NRG3: variants seen among roughly 807,000 people sequenced by gnomAD.
The protein encoded by NRG3 is pro-neuregulin-3, membrane-bound isoform.
Under a neutral mutation model 66.9 loss-of-function variants are expected in NRG3, and 31 were observed. That is an observed-to-expected ratio of 0.46 (90% CI 0.35 to 0.63). The LOEUF (loss-of-function observed/expected upper bound fraction) is 0.63. Ranked by LOEUF, NRG3 falls within the 20% of genes least tolerant of loss-of-function variation. The pLI, the probability that NRG3 is intolerant of heterozygous loss-of-function variation, is 0.00. For synonymous variants in NRG3, 393 were observed against 359.4 expected (o/e 1.09, Z -1.06); for missense variants, 910 against 878.9 (o/e 1.04, Z -0.45).
At chr10:81,932,262 G>A (rs957668705) in intron 1 of NRG3, among the ~76,000 whole-genome samples, 2 of 151,496 alleles carry the variant, frequency 1.3e-5, no homozygotes, top group Non-Finnish European at 2.9e-5. Context: ...GAGAGAGAGA[G>A]AGGAAGTGCC....
intron 2 of NRG3, among the ~76,000 whole-genome samples, chr10:82,478,590 G>A (rs1240312288): frequency 8.0e-5 from 5 of 62,616 alleles, no homozygotes; most frequent in African/African-American, 2.0e-4. Context: ...AGATCAACAG[G>A]ATCCCAAGGC....
intron 1 of NRG3, among the ~76,000 whole-genome samples, chr10:82,117,530 T>C (rs894054086): frequency 4.6e-5 from 7 of 152,112 alleles, no homozygotes; most frequent in Non-Finnish European, 7.4e-5. Flanking sequence ...AGAGTCTCTG[T>C]GTGTGTGTCT....
chr10:81,903,344 G>A (rs779719435), intron 1 of NRG3, among the ~76,000 whole-genome samples: 3 of 152,140 alleles, frequency 2.0e-5, no homozygotes, highest in East Asian at 1.9e-4. Context: ...GACCAGCTGT[G>A]TTTCTCATAA....
intron 3 of NRG3, among the ~76,000 whole-genome samples, chr10:82,828,714 T>G (rs905510269): frequency 3.3e-5 from 5 of 152,116 alleles, no homozygotes; most frequent in African/African-American, 9.7e-5. Context: ...TTATAAACCA[T>G]GAAAGCTTAT....
chr10:82,965,747 A>G (rs751607181), intron 6 of NRG3, among the ~76,000 whole-genome samples: 9 of 151,938 alleles, frequency 5.9e-5, no homozygotes, highest in Admixed American at 1.3e-4. Context: ...CTCTCTTTAT[A>G]TATATATATA....
chr10:82,154,251 T>C (rs1393690857), intron 1 of NRG3, among the ~76,000 whole-genome samples: 1 of 152,036 alleles, frequency 6.6e-6, no homozygotes, highest in Admixed American at 6.6e-5. Context: ...TTTTTGTGTA[T>C]GGTATAAGAC....
Position 82,317,548 on chromosome 10 carries a change from T to G in NRG3, c.824-41191T>G, listed in dbSNP as rs76339552. Among the ~76,000 whole-genome samples the G allele has an allele frequency of 4.7e-3, 722 of 152,326 alleles. 6 individuals are homozygous for G. The highest frequency in any genetic ancestry group is 0.017 in the African/African-American group (692 of 41,554). On this transcript the variant is annotated intron_variant, in intron 1 of 8. Coordinates refer to ENST00000372141, the MANE Select transcript of NRG3 (RefSeq NM_001010848.4). ...CTGTGCTGCTGCTCACTGATTGTTC[T>G]CTTTCTTACCTCTTCCTTGGATTAT...
At chr10:82,505,226 G>A (rs1052659444) in intron 2 of NRG3, among the ~76,000 whole-genome samples, 2 of 152,230 alleles carry the variant, frequency 1.3e-5, no homozygotes, top group Non-Finnish European at 1.5e-5. Flanking sequence ...CAGAAAGAAT[G>A]TCAGGCATAA....
At chr10:82,714,357 G>A (rs1480906436) in intron 2 of NRG3, among the ~76,000 whole-genome samples, 1 of 152,144 alleles carries the variant, frequency 6.6e-6, no homozygotes, top group Non-Finnish European at 1.5e-5. Context: ...CCTTTCCACA[G>A]TAAGATGCCT....
At chr10:82,943,378 T>C (rs902666963) in intron 4 of NRG3, among the ~76,000 whole-genome samples, 19 of 152,114 alleles carry the variant, frequency 1.2e-4, no homozygotes, top group African/African-American at 4.6e-4. Flanking sequence ...TAAGGGGTGA[T>C]CTTAGCCAGG....
At chr10:82,599,692 C>T (rs908823729) in intron 2 of NRG3, among the ~76,000 whole-genome samples, 2 of 152,098 alleles carry the variant, frequency 1.3e-5, no homozygotes, top group South Asian at 2.1e-4. Flanking sequence ...TGTTGCACGC[C>T]TGTAATCCCA....
chr10:82,006,328 A>G (rs1261918997), intron 1 of NRG3, among the ~76,000 whole-genome samples: 1 of 152,036 alleles, frequency 6.6e-6, no homozygotes, highest in African/African-American at 2.4e-5. Context: ...AATTGAATTT[A>G]TCCGTTCCTT....
At chr10:82,840,654 A>G (rs1271234910) in intron 3 of NRG3, among the ~76,000 whole-genome samples, 1 of 152,226 alleles carries the variant, frequency 6.6e-6, no homozygotes, top group African/African-American at 2.4e-5. Flanking sequence ...ATCTCAGTGC[A>G]TTAAAAGAAC....
chr10:82,413,388 T>C (rs1011015422), intron 2 of NRG3, among the ~76,000 whole-genome samples: 2 of 152,186 alleles, frequency 1.3e-5, no homozygotes, highest in Non-Finnish European at 2.9e-5. Context: ...GTCTCAATAG[T>C]GGGCTTAAAA....
intron 2 of NRG3, among the ~76,000 whole-genome samples, chr10:82,509,213 A>T (rs1484616381): frequency 6.6e-6 from 1 of 152,136 alleles, no homozygotes; most frequent in Non-Finnish European, 1.5e-5. Flanking sequence ...GCAATCAATG[A>T]CAACAGAAAC....
intron 3 of NRG3, among the ~76,000 whole-genome samples, chr10:82,832,073 A>G (rs342378): frequency 0.4 from 60,269 of 152,048 alleles, 12,330 homozygotes; most frequent in African/African-American, 0.51. Context: ...ACTTTGCATC[A>G]CATTAGTGGG....
At chr10:82,431,358 T>C (rs1236277991) in intron 2 of NRG3, among the ~76,000 whole-genome samples, 1 of 152,130 alleles carries the variant, frequency 6.6e-6, no homozygotes, top group Non-Finnish European at 1.5e-5. Flanking sequence ...CTGTTTTGAG[T>C]TTGCTAATTT....
chr10:82,701,459 G>T (rs1192198807), intron 2 of NRG3, among the ~76,000 whole-genome samples: 1 of 152,106 alleles, frequency 6.6e-6, no homozygotes, highest in East Asian at 1.9e-4. Context: ...TGACATATTT[G>T]TAAGTCACAA....
At chr10:82,127,760 C>T (rs1349484017) in intron 1 of NRG3, among the ~76,000 whole-genome samples, 1 of 151,942 alleles carries the variant, frequency 6.6e-6, no homozygotes, top group Non-Finnish European at 1.5e-5. Context: ...ACACTCTCAG[C>T]ACAGCCACTG....
Sources: allele counts gnomAD v4.1 joint callset (sites outside exome capture counted in the v4.1 genomes callset), GRCh38; gene constraint gnomAD v4.1.1; transcripts MANE v1.5; gene names NCBI Gene and HGNC (gene_info 2026-07-23, HGNC 2026-07-21).